PRELID2: variants seen among roughly 807,000 people sequenced by gnomAD.
PRELID2 encodes the protein PRELI domain containing 2, also known as PRELI domain-containing protein 2.
A neutral mutation model predicts 28.4 loss-of-function variants in PRELID2; 25 were observed. The ratio of observed to expected loss-of-function variants is 0.88; its 90% CI spans 0.64 to 1.23. PRELID2 has a LOEUF of 1.23. Ranked by LOEUF, PRELID2 falls within the 50% of genes most tolerant of loss-of-function variation. The probability of loss-of-function intolerance (pLI) is 0.00; values close to 1 mark genes in which losing one functional copy is unlikely to be tolerated. For synonymous variants in PRELID2, 76 were observed against 71.6 expected, an observed-to-expected ratio of 1.06 and a Z score of -0.31; for missense variants, 201 against 214.4, an observed-to-expected ratio of 0.94 and a Z score of 0.39.
intron 5 of PRELID2, among the ~76,000 whole-genome samples, chr5:145,788,747 TTA>T (rs147521518): frequency 1.3e-5 from 2 of 151,480 alleles, no homozygotes; most frequent in Non-Finnish European, 2.9e-5. Flanking sequence ...CAACATGATC[TTA>T]TATATATATA....
chr5:145,699,792 G>A lies in PRELID2; in HGVS notation n.70+65139C>T, dbSNP rs535913029. On this transcript the variant is annotated intron_variant and non_coding_transcript_variant, in intron 1 of 2. Transcript: ENST00000510259. Reference sequence around the variant, plus strand: ...CCCTACCCTTAATAGCACAGCTGCCGCACAAATTTCTTTTCTGGAAAGAAA... The same window carrying A: ...CCCTACCCTTAATAGCACAGCTGCCACACAAATTTCTTTTCTGGAAAGAAA... Among the ~76,000 whole-genome samples the A allele has an allele frequency of 7.2e-5, 11 of 152,220 alleles. No individual in the cohort carries two copies. In the South Asian group the frequency reaches 1.2e-3, roughly 17 times the overall value.
In PRELID2 at chr5:145,743,142, C is replaced by T. The variant is rs147372394; in HGVS notation, n.70+21789G>A. Among the ~76,000 whole-genome samples, 235 of 152,130 alleles carry T rather than the reference C, an allele frequency of 1.5e-3. 1 individual carries two copies. Among genetic ancestry groups the T allele is most frequent in the African/African-American group, 5.2e-3 (215 of 41,514 alleles). On this transcript the variant is annotated intron_variant and non_coding_transcript_variant, in intron 1 of 2. Coordinates refer to the PRELID2 transcript ENST00000510259. Reference sequence around the variant, plus strand: ...AAAAGAATCTGGCCGGGCGCGGTGGCTCACACCTGTAATCCTAGCACTTTG... The same window carrying T: ...AAAAGAATCTGGCCGGGCGCGGTGGTTCACACCTGTAATCCTAGCACTTTG...
the PRELID2 span, among the ~76,000 whole-genome samples, chr5:145,230,600 GA>G: frequency 1.3e-5 from 2 of 151,946 alleles, no homozygotes; most frequent in East Asian, 1.9e-4. Flanking sequence ...AAAAAGAAAA[GA>G]AAAAAATGAA....
At chr5:145,672,553 T>C (rs1021945071) in intron 1 of PRELID2, among the ~76,000 whole-genome samples, 5 of 151,498 alleles carry the variant, frequency 3.3e-5, no homozygotes, top group African/African-American at 1.2e-4. Context: ...TTTCCTCCTG[T>C]ATAGCCACCT....
chr5:145,411,759 T>C, the PRELID2 span, among the ~76,000 whole-genome samples: 6 of 152,194 alleles, frequency 3.9e-5, no homozygotes, highest in African/African-American at 1.4e-4. Flanking sequence ...GAGGAGGTTC[T>C]CCATGAGGGC....
chr5:145,327,744 C>T, the PRELID2 span, among the ~76,000 whole-genome samples: 10 of 151,688 alleles, frequency 6.6e-5, no homozygotes, highest in African/African-American at 2.4e-4. Context: ...TGCTTTGATG[C>T]CTTTGTCTTT....
At chr5:145,431,006 G>GTTTTTTTTTTT in the PRELID2 span, among the ~76,000 whole-genome samples, 1 of 55,540 alleles carries the variant, frequency 1.8e-5, no homozygotes, top group South Asian at 8.4e-4. Context: ...CCTGGCAATG[G>GTTTTTTTTTTT]TTTTTTTTTT....
intron 1 of PRELID2, among the ~76,000 whole-genome samples, chr5:145,623,067 T>C (rs995045398): frequency 1.3e-5 from 2 of 152,068 alleles, no homozygotes; most frequent in Admixed American, 6.6e-5. Context: ...TATTTTAGAA[T>C]GGTAAAGACT....
chr5:145,831,966 T>C (rs751955536), intron 1 of PRELID2, among the ~76,000 whole-genome samples: 4 of 152,168 alleles, frequency 2.6e-5, no homozygotes, highest in Non-Finnish European at 4.4e-5. Context: ...CTCACAGAAT[T>C]GTGAAAATTA....
At chr5:145,516,770 G>T (rs904077785) in intron 1 of PRELID2, among the ~76,000 whole-genome samples, 3 of 152,092 alleles carry the variant, frequency 2.0e-5, no homozygotes, top group Admixed American at 6.5e-5. Context: ...AAACAGCATG[G>T]TACTGGTACC....
chr5:145,561,403 G>C (rs943374612), intron 1 of PRELID2, among the ~76,000 whole-genome samples: 1 of 151,944 alleles, frequency 6.6e-6, no homozygotes, highest in Non-Finnish European at 1.5e-5. Context: ...CCCTAAGCAC[G>C]GCTCCCAGAC....
At chr5:145,813,118 A>T (rs921165598) in intron 4 of PRELID2, among the ~76,000 whole-genome samples, 4 of 152,180 alleles carry the variant, frequency 2.6e-5, no homozygotes, top group African/African-American at 9.7e-5. Context: ...GTTTCTAGTC[A>T]CACACCCACA....
chr5:145,621,096 G>C (rs1046411372), intron 1 of PRELID2, among the ~76,000 whole-genome samples: 2 of 152,026 alleles, frequency 1.3e-5, no homozygotes, highest in African/African-American at 4.8e-5. Context: ...TAAAAAGACT[G>C]TTAAGACAAT....
chr5:145,626,898 G>T (rs1002707342), intron 1 of PRELID2, among the ~76,000 whole-genome samples: 1 of 151,844 alleles, frequency 6.6e-6, no homozygotes, highest in East Asian at 2.0e-4. Flanking sequence ...TCAGGAGTTC[G>T]AGATCAGCCT....
chr5:145,835,065 C>A, intron 1 of PRELID2, 112 bp downstream of exon 1: 2 of 720,506 alleles, frequency 2.8e-6, no homozygotes, highest in East Asian at 5.7e-5. Context: ...AAGCAAAGCC[C>A]GCAGCTGGAA....
chr5:145,349,762 C>T, the PRELID2 span, among the ~76,000 whole-genome samples: 1,613 of 152,100 alleles, frequency 0.011, 26 homozygotes, highest in Middle Eastern at 0.017. Context: ...AGTAAACACA[C>T]GAAGAAATAA....
chr5:145,390,443 G>C, the PRELID2 span, among the ~76,000 whole-genome samples: 2 of 152,188 alleles, frequency 1.3e-5, no homozygotes. Flanking sequence ...TGGCAGGAGA[G>C]AGAAGTGCCA....
In PRELID2 at chr5:145,781,108, G is replaced by C. The variant is rs137969076; in HGVS notation, c.474+15334C>G. Among the ~76,000 whole-genome samples, 382 of 152,304 alleles carry C rather than the reference G, an allele frequency of 2.5e-3. 1 individual carries two copies. The highest frequency in any genetic ancestry group is 7.4e-3 in the African/African-American group (306 of 41,566). ...CTGGGTCACTGCCTGCTGCCCATTA[G>C]GGGTGGCTACAACCAAAGGGGTCTT... On this transcript the variant is annotated intron_variant, in intron 5 of 6. Transcript: ENST00000683046.
chr5:145,719,687 G>A (rs1755936140), intron 1 of PRELID2, among the ~76,000 whole-genome samples: 1 of 151,842 alleles, frequency 6.6e-6, no homozygotes, highest in Non-Finnish European at 1.5e-5. Context: ...GACTGAAAAA[G>A]AATCTACATT....
Sources: gnomAD v4.1 joint callset for allele counts (sites outside exome capture counted in the v4.1 genomes callset) on GRCh38, gnomAD v4.1.1 for gene constraint, MANE v1.5 for transcripts, NCBI Gene and HGNC (gene_info 2026-07-23, HGNC 2026-07-21) for gene names.